GRHL2: variants seen among roughly 807,000 people sequenced by gnomAD.
GRHL2 encodes the protein grainyhead-like protein 2 homolog.
Under a neutral mutation model 83.8 loss-of-function variants are expected in GRHL2, and 21 were observed. The ratio of observed to expected loss-of-function variants is 0.25; its 90% CI spans 0.18 to 0.36. GRHL2 has a LOEUF of 0.36. GRHL2 is among the 10% of genes least tolerant of loss of function. The probability of loss-of-function intolerance (pLI) is 1.00; values close to 1 mark genes in which losing one functional copy is unlikely to be tolerated. For synonymous variants in GRHL2, 280 were observed against 278.9 expected (o/e 1.00, Z -0.04); for missense variants, 623 against 781.8 (o/e 0.80, Z 2.42).
intron 14 of GRHL2, among the ~76,000 whole-genome samples, chr8:101,658,889 A>G (rs1158709148): frequency 1.3e-5 from 2 of 152,216 alleles, no homozygotes; most frequent in Non-Finnish European, 1.5e-5. Flanking sequence ...AATCTATAGG[A>G]CTTCCGAGTA....
At chr8:101,516,409 C>T (rs930349311) in intron 1 of GRHL2, among the ~76,000 whole-genome samples, 62 of 124,174 alleles carry the variant, frequency 5.0e-4, no homozygotes, top group Non-Finnish European at 8.5e-4. Context: ...TACCTCTTTT[C>T]CTTTTTTTTT....
intron 14 of GRHL2, among the ~76,000 whole-genome samples, chr8:101,655,578 C>T (rs949683664): frequency 6.6e-6 from 1 of 151,832 alleles, no homozygotes; most frequent in African/African-American, 2.4e-5. Flanking sequence ...ATTATCTCTA[C>T]AGATCTATAC....
At chr8:101,594,913 A>G (rs1451289359) in intron 7 of GRHL2, among the ~76,000 whole-genome samples, 1 of 152,260 alleles carries the variant, frequency 6.6e-6, no homozygotes, top group Non-Finnish European at 1.5e-5. Context: ...AAACGAATAA[A>G]TAAAATACTT....
At chr8:101,634,984 T>C (rs997131562) in intron 11 of GRHL2, among the ~76,000 whole-genome samples, 4 of 152,132 alleles carry the variant, frequency 2.6e-5, no homozygotes, top group Admixed American at 2.0e-4. Context: ...TTAGGCGAGA[T>C]TGGGAAAAAT....
intron 7 of GRHL2, among the ~76,000 whole-genome samples, chr8:101,588,488 A>G (rs1812212859): frequency 6.6e-6 from 1 of 152,184 alleles, no homozygotes; most frequent in Non-Finnish European, 1.5e-5. Flanking sequence ...GCCACTTCCC[A>G]GTGGCTCCCC....
At chr8:101,622,777 T>G (rs978247713) in intron 9 of GRHL2, among the ~76,000 whole-genome samples, 2 of 152,172 alleles carry the variant, frequency 1.3e-5, no homozygotes, top group African/African-American at 2.4e-5. Flanking sequence ...GATTTTGGTG[T>G]GCCCATCACC....
At chr8:101,528,045 C>G (rs1273411637) in intron 1 of GRHL2, among the ~76,000 whole-genome samples, 1 of 152,138 alleles carries the variant, frequency 6.6e-6, no homozygotes, top group Non-Finnish European at 1.5e-5. Context: ...CACTTCGGTG[C>G]CTTGCCAATA....
intron 1 of GRHL2, among the ~76,000 whole-genome samples, chr8:101,539,817 G>T (rs564624295): frequency 2.6e-5 from 4 of 152,292 alleles, no homozygotes; most frequent in Non-Finnish European, 5.9e-5. Flanking sequence ...GTTTAGAAAT[G>T]TTGGCCCCTT....
chr8:101,538,503 A>G (rs923578362), intron 1 of GRHL2, among the ~76,000 whole-genome samples: 4 of 152,042 alleles, frequency 2.6e-5, no homozygotes, highest in Admixed American at 2.6e-4. Context: ...GATCCCCAAA[A>G]TTTTCCTCCA....
At chr8:101,588,337 A>G (rs1812209801) in intron 7 of GRHL2, among the ~76,000 whole-genome samples, 2 of 152,246 alleles carry the variant, frequency 1.3e-5, no homozygotes, top group Non-Finnish European at 2.9e-5. Context: ...TCAAAATCCT[A>G]TTTTGACATA....
At position 101,586,065 on chromosome 8, in the gene GRHL2, C is replaced by CTTTTTTTTT. The variant is rs67985027; in HGVS notation, c.1003+8563_1003+8571dup. Among the ~76,000 whole-genome samples, 207 of 94,302 alleles carry CTTTTTTTTT rather than the reference C, an allele frequency of 2.2e-3. 27 individuals carry two copies. Among genetic ancestry groups the CTTTTTTTTT allele is most frequent in the African/African-American group, 7.9e-3 (183 of 23,258 alleles). The allele number at this position is 94,302 out of a possible 152,430, so 61.9% of individuals were successfully genotyped here. A position where few individuals can be genotyped will look rare whatever the true frequency, so the allele number is the denominator to read the frequency against. On this transcript the variant is annotated intron_variant, in intron 7 of 15. Coordinates refer to ENST00000646743, the MANE Select transcript of GRHL2 (RefSeq NM_024915.4). ...TCTTCTTTCCTTCCACCTCATGTTT[C>CTTTTTTTTT]TTTTTTTTTTTTTTTTTTTTTTTTT... is the stretch of plus-strand genomic sequence containing the variant.
intron 12 of GRHL2, 62 bp from the exon 13 acceptor site, chr8:101,644,069 T>A: frequency 7.2e-7 from 1 of 1,387,888 alleles, no homozygotes; most frequent in South Asian, 1.2e-5. Context: ...CGGACACACA[T>A]GTGAACGTGT....
chr8:101,496,594 G>A (rs1769908214), intron 1 of GRHL2, among the ~76,000 whole-genome samples: 1 of 152,054 alleles, frequency 6.6e-6, no homozygotes, highest in Non-Finnish European at 1.5e-5. Flanking sequence ...AAAAGGGGCA[G>A]GCTTGTTGAC....
chr8:101,506,676 A>C (rs16867787), intron 1 of GRHL2, among the ~76,000 whole-genome samples: 6,105 of 152,300 alleles, frequency 0.04, 206 homozygotes, highest in African/African-American at 0.085. Flanking sequence ...TGGAAGTATA[A>C]GAACAGGAGA....
chr8:101,548,919 C>T lies in GRHL2; in HGVS notation c.217-3796C>T, dbSNP rs116393254. Among the ~76,000 whole-genome samples, 1,008 of 152,270 alleles carry T rather than the reference C, an allele frequency of 6.6e-3. 10 individuals are homozygous for T. Among genetic ancestry groups the T allele is most frequent in the African/African-American group, 0.023 (954 of 41,556 alleles). On this transcript the variant is annotated intron_variant, in intron 2 of 15. Coordinates refer to ENST00000646743, the MANE Select transcript of GRHL2 (RefSeq NM_024915.4). ...GCTAACATGTTTCAGTGTTTGGAAT[C>T]CCTATTCTTCTATTTCTTTGGTCCT... is the stretch of plus-strand genomic sequence containing the variant.
chr8:101,676,073 A>G, the GRHL2 span, among the ~76,000 whole-genome samples: 2 of 151,906 alleles, frequency 1.3e-5, no homozygotes, highest in African/African-American at 4.8e-5. Context: ...GATGGATTAA[A>G]GACTTAAACG....
chr8:101,492,465 T>C lies in GRHL2; in HGVS notation c.-305T>C. 1 of 528,736 alleles carries C rather than the reference T, an allele frequency of 1.9e-6. No homozygotes were observed. The highest frequency in any genetic ancestry group is 3.4e-6 in the Non-Finnish European group (1 of 292,480). The allele number at this position is 528,736 out of a possible 1,614,324, so 32.8% of individuals were successfully genotyped here. A position where few individuals can be genotyped will look rare whatever the true frequency, so the allele number is the denominator to read the frequency against. ...AGAAAGTTACCTGTGGCCGCCCAAG[T>C]CCGCCACTTTCTGCTCTGTGTCTGC... On this transcript the variant is annotated 5_prime_UTR_variant, in exon 1 of 16. Transcript: ENST00000646743.
chr8:101,543,092 G>T, intron 1 of GRHL2, 149 bp from the exon 2 acceptor site: 1 of 695,182 alleles, frequency 1.4e-6, no homozygotes, highest in Non-Finnish European at 2.6e-6. Context: ...ATCAGTAGTT[G>T]TCACTTTAAC....
At chr8:101,603,353 A>C (rs182776088) in intron 8 of GRHL2, among the ~76,000 whole-genome samples, 2 of 151,690 alleles carry the variant, frequency 1.3e-5, no homozygotes, top group African/African-American at 4.9e-5. Context: ...AAAAAACAAA[A>C]AACCAATCCG....
Sources: allele counts gnomAD v4.1 joint callset (sites outside exome capture counted in the v4.1 genomes callset), GRCh38; gene constraint gnomAD v4.1.1; transcripts MANE v1.5; gene names NCBI Gene and HGNC (gene_info 2026-07-23, HGNC 2026-07-21).